ATP1A2: variants seen among roughly 807,000 people sequenced by gnomAD.
The protein encoded by ATP1A2 is ATPase Na+/K+ transporting subunit alpha 2.
In ATP1A2, 56 loss-of-function variants were observed where a neutral mutation model predicts 113.1. The observed-to-expected ratio is 0.49, with a 90% CI of 0.40 to 0.62. The LOEUF is 0.62. ATP1A2 is among the 20% of genes least tolerant of loss of function. The pLI is 0.00. For missense variants in ATP1A2, 712 were observed against 1,357.8 expected, an observed-to-expected ratio of 0.52 and a Z score of 7.47; for synonymous variants, 490 against 526.8, an observed-to-expected ratio of 0.93 and a Z score of 0.96.
intron 18 of ATP1A2, 76 bp downstream of exon 18, chr1:160,136,446 G>C: frequency 1.9e-6 from 3 of 1,612,362 alleles, no homozygotes; most frequent in Non-Finnish European, 1.7e-6. Flanking sequence ...TGAGCCCCAA[G>C]CAAAATTCCA....
intron 6 of ATP1A2, 125 bp downstream of exon 6, chr1:160,124,555 C>T (rs1651523701): frequency 2.1e-6 from 3 of 1,420,990 alleles, no homozygotes; most frequent in South Asian, 2.5e-5. Flanking sequence ...CATGCCTATG[C>T]CCCTGCTAAA....
At chr1:160,129,122 T>G in intron 10 of ATP1A2, 33 bp downstream of exon 10, 1 of 1,526,826 alleles carries the variant, frequency 6.5e-7, no homozygotes, top group Non-Finnish European at 8.8e-7. Flanking sequence ...AGGTATGTTT[T>G]GGGGGTGTCT....
intron 7 of ATP1A2, 57 bp from the exon 8 acceptor site, chr1:160,127,495 G>A: frequency 2.5e-6 from 4 of 1,611,560 alleles, no homozygotes; most frequent in Non-Finnish European, 3.4e-6. Flanking sequence ...AAATAGGATG[G>A]GACTGCAGTC....
rs1651502570 is a variant in ATP1A2, at chr1:160,123,966, A to G, written c.405A>G (p.Ala135=). 1 of 1,614,206 alleles carries G rather than the reference A, an allele frequency of 6.2e-7. No individual in the cohort carries two copies. ...AGCTATATCTGGGTGTGGTGCTGGCAGCTGTGGTCATTGTCACTGGCTGCT... is the reference window on the plus strand; with the variant it reads ...AGCTATATCTGGGTGTGGTGCTGGCGGCTGTGGTCATTGTCACTGGCTGCT... ...NDNLYLGVVL[A]AVVIVTGCFS... is the part of the protein sequence containing the mutation. The change falls in exon 5 of 23, where the codon GCA becomes GCG. Residue 135 remains alanine, a synonymous_variant. Coordinates refer to ENST00000361216, the MANE Select transcript of ATP1A2 (RefSeq NM_000702.4).
chr1:160,137,279 C>T (rs1245312496), intron 20 of ATP1A2: 4 of 564,066 alleles, frequency 7.1e-6, no homozygotes, highest in African/African-American at 3.8e-5. Flanking sequence ...TCCCTTCTTT[C>T]CCCCATCTCC....
intron 7 of ATP1A2, 137 bp from the exon 8 acceptor site, chr1:160,127,415 A>ACCT (rs1385079292): frequency 9.1e-6 from 11 of 1,202,924 alleles, no homozygotes; most frequent in Non-Finnish European, 1.2e-5. Flanking sequence ...AGTGGGGACA[A>ACCT]CCTACTGAAT....
Position 160,124,282 on chromosome 1 carries a change from G to A in ATP1A2, c.496-14G>A. The A allele has an allele frequency of 6.3e-7, 1 of 1,592,708 alleles. No individual in the cohort carries two copies. The highest frequency in any genetic ancestry group is 8.5e-7 in the Non-Finnish European group (1 of 1,169,698). On this transcript the variant is annotated splice_polypyrimidine_tract_variant and intron_variant, in intron 5 of 22. Coordinates refer to ENST00000361216, the MANE Select transcript of ATP1A2 (RefSeq NM_000702.4). The stretch of plus-strand genomic sequence containing the variant: ...GAGACAAGCATTTCATGAGCTGCCT[G>A]TGGCTCCCCACAGCAAGCCCTTGTG...
chr1:160,137,364 C>G (rs1019916917), intron 20 of ATP1A2, among the ~76,000 whole-genome samples: 1 of 152,138 alleles, frequency 6.6e-6, no homozygotes, highest in Non-Finnish European at 1.5e-5. Flanking sequence ...CCTCCCCTGG[C>G]CTTCCGCAGG....
Position 160,141,328 on chromosome 1 carries a change from T to C in ATP1A2, c.*6T>C, listed in dbSNP as rs796052273. The C allele has an allele frequency of 1.4e-5, 22 of 1,613,926 alleles. No homozygotes were observed. The highest frequency in any genetic ancestry group is 2.2e-5 in the South Asian group (2 of 91,070). On this transcript the variant is annotated 3_prime_UTR_variant, in exon 23 of 23. Transcript: ENST00000361216. ...AGAAGGAGACATACTACTGACCCCA[T>C]TGGAAGAAGAACCAGGCATGGAAAG...
At chr1:160,126,928 AT>A (rs1185482994) in intron 7 of ATP1A2, among the ~76,000 whole-genome samples, 1 of 152,226 alleles carries the variant, frequency 6.6e-6, no homozygotes, top group Non-Finnish European at 1.5e-5. Flanking sequence ...AGCACCCGCT[AT>A]GTTCCAGGCA....
In ATP1A2 at chr1:160,120,912, C is replaced by A; in HGVS notation, c.19C>A (p.Arg7Ser). MGRGAG[R>S]EYSPAATTAE... ...CTCTCCCTTCCTCCCTCAGGCTGGC[C>A]GTGAGTACTCACCTGCCGCCACCAC... Residue 7 changes from arginine to serine, a missense_variant, in exon 2 of 23, where the codon CGT (arginine) becomes AGT (serine). Coordinates refer to ENST00000361216, the MANE Select transcript of ATP1A2 (RefSeq NM_000702.4). 1 of 1,591,676 alleles carries A rather than the reference C, an allele frequency of 6.3e-7. No homozygotes were observed. The highest frequency in any genetic ancestry group is 2.3e-5 in the East Asian group (1 of 43,258).
intron 7 of ATP1A2, 37 bp downstream of exon 7, chr1:160,125,290 G>A (rs768619791): frequency 6.5e-7 from 1 of 1,547,830 alleles, no homozygotes; most frequent in Non-Finnish European, 8.9e-7. Context: ...GAAAGAGTCT[G>A]AATCCTGAAT....
intron 1 of ATP1A2, among the ~76,000 whole-genome samples, chr1:160,117,257 T>TC (rs1651216209): frequency 6.6e-6 from 1 of 152,058 alleles, no homozygotes; most frequent in Non-Finnish European, 1.5e-5. Context: ...GGAAAGGGCA[T>TC]CCCTAGCTGA....
At chr1:160,129,986 C>A in intron 11 of ATP1A2, 116 bp from the exon 12 acceptor site, 2 of 1,318,826 alleles carry the variant, frequency 1.5e-6, no homozygotes, top group East Asian at 2.3e-5. Flanking sequence ...TCTTTGTTGA[C>A]AATCTTTGAT....
At chr1:160,129,167 A>G in intron 10 of ATP1A2, 78 bp downstream of exon 10, 4 of 1,608,436 alleles carry the variant, frequency 2.5e-6, no homozygotes, top group Non-Finnish European at 3.4e-6. Context: ...TTTCCTTCTC[A>G]CATGATGTGG....
chr1:160,123,599 G>C (rs2101985664), intron 4 of ATP1A2, among the ~76,000 whole-genome samples, 183 bp downstream of exon 4: 1 of 152,350 alleles, frequency 6.6e-6, no homozygotes, highest in African/African-American at 2.4e-5. Context: ...TCCGCCAACA[G>C]TGCATACACA....
At chr1:160,129,575 C>G (rs1387250357) in intron 11 of ATP1A2, among the ~76,000 whole-genome samples, 175 bp downstream of exon 11, 2 of 152,056 alleles carry the variant, frequency 1.3e-5, no homozygotes, top group Admixed American at 6.6e-5. Flanking sequence ...GCAACTAGCC[C>G]CAGCTCCCAA....
At chr1:160,118,854 G>C (rs1023619682) in intron 1 of ATP1A2, among the ~76,000 whole-genome samples, 1 of 151,976 alleles carries the variant, frequency 6.6e-6, no homozygotes, top group African/African-American at 2.4e-5. Flanking sequence ...CAAGGCAGCT[G>C]CCATACTTCT....
At position 160,136,363 on chromosome 1, in the gene ATP1A2, A is replaced by G. The variant is rs1651947747; in HGVS notation, c.2556A>G (p.Gly852=). The part of the protein sequence containing the change: ...VNERLISMAY[G]QIGMIQALGG... ...AGAGGCTCATCAGCATGGCCTACGG[A>G]CAGATCGGTGCGCCAAGCCCCGGGC... The change falls in exon 18 of 23, where the codon GGA becomes GGG. Residue 852 remains glycine (G), a synonymous_variant. Transcript: ENST00000361216. 2.5e-6 allele frequency: 4 copies of G among 1,614,098 alleles called. No homozygotes were observed. Among genetic ancestry groups the G allele is most frequent in the Non-Finnish European group, 3.4e-6 (4 of 1,180,024 alleles).
Sources: allele counts gnomAD v4.1 joint callset (sites outside exome capture counted in the v4.1 genomes callset), GRCh38; gene constraint gnomAD v4.1.1; transcripts MANE v1.5; gene names NCBI Gene and HGNC (gene_info 2026-07-23, HGNC 2026-07-21).